The following SPAG6 variants were observed in gnomAD, a reference collection of about 807,000 sequenced individuals.
SPAG6 encodes sperm associated antigen 6, also known as sperm-associated antigen 6.
SPAG6 carries 49 observed loss-of-function variants against 58.5 expected under a neutral mutation model. The observed-to-expected ratio is 0.84, with a 90% CI of 0.67 to 1.06. The LOEUF (loss-of-function observed/expected upper bound fraction) is 1.06, where lower values mean the gene tolerates loss of function less well. SPAG6 is among the 50% of genes least tolerant of loss of function. SPAG6 has a pLI of 0.00. For synonymous variants in SPAG6, 233 were observed against 225.6 expected (o/e 1.03, Z -0.29); for missense variants, 560 against 611.3 (o/e 0.92, Z 0.89).
chr10:22,402,327 A>G (rs1275608302), intron 9 of SPAG6, among the ~76,000 whole-genome samples: 1 of 152,212 alleles, frequency 6.6e-6, no homozygotes, highest in African/African-American at 2.4e-5. Flanking sequence ...TTGAATAGTC[A>G]GTTATAATGC....
intron 10 of SPAG6, among the ~76,000 whole-genome samples, chr10:22,414,692 A>G (rs565281269): frequency 6.6e-6 from 1 of 152,356 alleles, no homozygotes; most frequent in Non-Finnish European, 1.5e-5. Context: ...CAGTTATTGG[A>G]AAACTTTTAG....
At chr10:22,393,019 T>C (rs1416055190) in intron 8 of SPAG6, among the ~76,000 whole-genome samples, 4 of 152,148 alleles carry the variant, frequency 2.6e-5, no homozygotes, top group Admixed American at 1.3e-4. Context: ...GTGCATTCTT[T>C]GGCAATGCTT....
chr10:22,350,569 C>T (rs1301518524), intron 2 of SPAG6, among the ~76,000 whole-genome samples: 1 of 152,098 alleles, frequency 6.6e-6, no homozygotes, highest in Non-Finnish European at 1.5e-5. Context: ...TTAGGTATGC[C>T]ATAATCCTAC....
At chr10:22,401,459 T>C (rs983954719) in intron 9 of SPAG6, among the ~76,000 whole-genome samples, 182 bp downstream of exon 9, 2 of 152,200 alleles carry the variant, frequency 1.3e-5, no homozygotes, top group African/African-American at 4.8e-5. Flanking sequence ...TAAAACACTT[T>C]CTTCATCCTC....
intron 4 of SPAG6, among the ~76,000 whole-genome samples, chr10:22,378,419 T>A (rs1833873676): frequency 7.3e-6 from 1 of 136,882 alleles, no homozygotes; most frequent in Admixed American, 7.1e-5. Context: ...CTGGGCAGGT[T>A]TTTTTTTTTT....
intron 2 of SPAG6, among the ~76,000 whole-genome samples, chr10:22,363,579 A>G (rs559792639): frequency 6.6e-6 from 1 of 152,364 alleles, no homozygotes; most frequent in East Asian, 1.9e-4. Context: ...TCCATAGGTC[A>G]CATCATTAAA....
At chr10:22,399,633 C>A (rs972913429) in intron 8 of SPAG6, among the ~76,000 whole-genome samples, 1 of 152,142 alleles carries the variant, frequency 6.6e-6, no homozygotes, top group African/African-American at 2.4e-5. Flanking sequence ...GATTATATTT[C>A]TTCCACATGA....
Position 22,394,701 on chromosome 10 carries a change from G to C in SPAG6, c.1197+2781G>C, listed in dbSNP as rs147921537. Among the ~76,000 whole-genome samples, 244 of 152,130 alleles carry C rather than the reference G, an allele frequency of 1.6e-3. 1 individual carries two copies. Among genetic ancestry groups the C allele is most frequent in the Non-Finnish European group, 3.2e-4 (22 of 67,984 alleles). On this transcript the variant is annotated intron_variant, in intron 8 of 10. Coordinates refer to ENST00000376624, the MANE Select transcript of SPAG6 (RefSeq NM_012443.4). ...CTCTTTTGGACATTTCATTTAAATG[G>C]AGTCATACAACATATATAACCTTTT...
chr10:22,412,879 A>C (rs1383851315), intron 10 of SPAG6: 1 of 155,594 alleles, frequency 6.4e-6, no homozygotes, highest in African/African-American at 2.4e-5. Flanking sequence ...CCACAAATTT[A>C]TATTTTAAAA....
Position 22,345,928 on chromosome 10 carries a change from A to G in SPAG6, c.121+110A>G. 6.4e-7 allele frequency: 1 copy of G among 1,566,450 alleles called. No homozygotes were observed. Among genetic ancestry groups the G allele is most frequent in the Non-Finnish European group, 8.6e-7 (1 of 1,156,088 alleles). ...TGGGGAGCCGCAGTGTGGGGACCGGAGTTCGCAAAAGCATCCATTCTTTTC... is the reference window on the plus strand; with the variant it reads ...TGGGGAGCCGCAGTGTGGGGACCGGGGTTCGCAAAAGCATCCATTCTTTTC... On this transcript the variant is annotated intron_variant, in intron 2 of 10. Transcript: ENST00000376624. The surrounding 1 kb of genome is among the most constrained non-coding windows in gnomAD (Gnocchi z 6.3).
intron 2 of SPAG6, among the ~76,000 whole-genome samples, chr10:22,351,999 A>G (rs949816318): frequency 3.3e-5 from 5 of 152,114 alleles, no homozygotes; most frequent in Admixed American, 2.6e-4. Flanking sequence ...TCTCTACTAA[A>G]AATACAAAAA....
At position 22,407,925 on chromosome 10, in the gene SPAG6, C is replaced by T. The variant is rs933075874; in HGVS notation, c.1315-3106C>T. 9.5e-3 allele frequency among the ~76,000 whole-genome samples: 1,424 copies of T among 149,942 alleles called. 32 individuals are homozygous for T. The highest frequency in any genetic ancestry group is 0.034 in the African/African-American group (1,332 of 39,652). On this transcript the variant is annotated intron_variant, in intron 9 of 10. Coordinates refer to ENST00000376624, the MANE Select transcript of SPAG6 (RefSeq NM_012443.4). ...GCTGATACCCTTTCTTCCAGTTGAT[C>T]GCATTGGCTCCTGAGGCTTCTGCAT...
chr10:22,386,847 C>T lies in SPAG6; in HGVS notation c.566C>T (p.Ser189Leu), dbSNP rs750952431. Residue 189 changes from serine (S) to leucine (L), a missense_variant, in exon 5 of 11, where the codon TCG becomes TTG. Coordinates refer to ENST00000376624, the MANE Select transcript of SPAG6 (RefSeq NM_012443.4). ...PEIALKRIAA[S>L]ALSDIAKHSP... ...ATTGCTTTGAAAAGGATTGCTGCTT[C>T]GGCCCTCAGTGATATTGCAAAGCAT... 2.6e-5 allele frequency: 42 copies of T among 1,613,498 alleles called. No individual in the cohort carries two copies. The Admixed American group carries it at 4.7e-4, about 18-fold the overall frequency.
At chr10:22,361,392 A>T (rs1305563237) in intron 2 of SPAG6, 1 of 152,270 alleles carries the variant, frequency 6.6e-6, no homozygotes, top group East Asian at 1.9e-4. Flanking sequence ...ACATGGAGAA[A>T]ATATATAAAA....
rs750732256 is a variant in SPAG6 at position 22,401,260 on chromosome 10, G to A, written c.1297G>A (p.Val433Ile). 1 of 1,556,312 alleles carries A rather than the reference G, an allele frequency of 6.4e-7. No homozygotes were observed. Among genetic ancestry groups the A allele is most frequent in the South Asian group, 1.1e-5 (1 of 89,698 alleles). The change falls in exon 9 of 11, where the codon GTT (valine) becomes ATT (isoleucine). Residue 433 changes from valine to isoleucine, a missense_variant. Coordinates refer to ENST00000376624, the MANE Select transcript of SPAG6 (RefSeq NM_012443.4). ...DAPPNILKHV[V>I]GQFSKVLPHD... ...TCCTCCCAATATTCTGAAACATGTG[G>A]TTGGACAGTTCAGTAAGGTAAGAAA...
chr10:22,347,037 G>T (rs920387568), intron 2 of SPAG6, among the ~76,000 whole-genome samples: 1 of 152,054 alleles, frequency 6.6e-6, no homozygotes, highest in Non-Finnish European at 1.5e-5. Context: ...CCTTTTAATT[G>T]TTCGTGTGTG....
Position 22,372,847 on chromosome 10 carries a change from C to G in SPAG6, c.472+4169C>G, listed in dbSNP as rs575938062. The stretch of plus-strand genomic sequence containing the variant: ...AGAGGAATACATTTGATTAGACATT[C>G]TACAACTTTTAAATTATTGATATAG... On this transcript the variant is annotated intron_variant, in intron 4 of 10. Coordinates refer to ENST00000376624, the MANE Select transcript of SPAG6 (RefSeq NM_012443.4). Among the ~76,000 whole-genome samples, 124 of 151,650 alleles carry G rather than the reference C, an allele frequency of 8.2e-4. No homozygotes were observed. The Middle Eastern group carries it at 0.02, about 25-fold the overall frequency.
rs1410128963 is a variant in SPAG6, at chr10:22,387,698, G to T, written c.679-125G>T. The T allele has an allele frequency of 3.6e-6, 3 of 839,490 alleles. No individual in the cohort carries two copies. In the African/African-American group the frequency reaches 5.2e-5, roughly 15 times the overall value. The allele number at this position is 839,490 out of a possible 1,614,324, so 52.0% of individuals were successfully genotyped here. A position where few individuals can be genotyped will look rare whatever the true frequency, so the allele number is the denominator to read the frequency against. On this transcript the variant is annotated intron_variant, in intron 5 of 10. Coordinates refer to ENST00000376624, the MANE Select transcript of SPAG6 (RefSeq NM_012443.4). ...GACTCAGAAATCTTAGGCTGTTTAG[G>T]CATGTACATTTTTTTCCTTTTATAA...
chr10:22,350,606 C>A (rs1420947901), intron 2 of SPAG6, among the ~76,000 whole-genome samples: 2 of 152,088 alleles, frequency 1.3e-5, no homozygotes, highest in South Asian at 2.1e-4. Flanking sequence ...GTTTCAGGAC[C>A]TTTGCACTTC....
Sources: allele counts gnomAD v4.1 joint callset (sites outside exome capture counted in the v4.1 genomes callset), GRCh38; gene constraint gnomAD v4.1.1; non-coding constraint Gnocchi (gnomAD v3.1); transcripts MANE v1.5; gene names NCBI Gene and HGNC (gene_info 2026-07-23, HGNC 2026-07-21).